The following RBPJ variants were observed in gnomAD, a reference collection of about 807,000 sequenced individuals.
RBPJ encodes recombination signal binding protein for immunoglobulin kappa J region.
RBPJ carries 9 observed loss-of-function variants against 67.8 expected under a neutral mutation model. That is an observed-to-expected ratio of 0.13 (90% confidence interval 0.08 to 0.23). The LOEUF (loss-of-function observed/expected upper bound fraction) is 0.23, where lower values mean the gene tolerates loss of function less well. Ranked by LOEUF, RBPJ falls within the 10% of genes least tolerant of loss-of-function variation. The pLI is 1.00. For missense variants in RBPJ, 305 were observed against 595.6 expected (o/e 0.51, Z 5.08); for synonymous variants, 198 against 203.3 (o/e 0.97, Z 0.22).
At chr4:26,423,824 A>G (rs367779194) in intron 5 of RBPJ, among the ~76,000 whole-genome samples, 2 of 152,330 alleles carry the variant, frequency 1.3e-5, no homozygotes, top group East Asian at 1.9e-4. Flanking sequence ...TTTACCATCA[A>G]CTCTGACAAA....
intron 1 of RBPJ, among the ~76,000 whole-genome samples, chr4:26,329,666 G>A (rs1007894547): frequency 3.9e-5 from 6 of 152,034 alleles, no homozygotes; most frequent in African/African-American, 1.2e-4. Flanking sequence ...AGGCCGAGGC[G>A]GGCGGATCAC....
intron 1 of RBPJ, among the ~76,000 whole-genome samples, chr4:26,238,458 A>G (rs970494161): frequency 3.9e-5 from 6 of 152,364 alleles, no homozygotes; most frequent in Admixed American, 1.3e-4. Context: ...ATGCAGGGAT[A>G]AAATAGAAGG....
At chr4:26,364,156 G>A (rs1728361444) in intron 1 of RBPJ, among the ~76,000 whole-genome samples, 1 of 152,132 alleles carries the variant, frequency 6.6e-6, no homozygotes, top group Admixed American at 6.5e-5. Flanking sequence ...AAATACACTG[G>A]TATAGTCCAT....
intron 1 of RBPJ, among the ~76,000 whole-genome samples, chr4:26,291,699 C>T (rs1366497266): frequency 6.7e-6 from 1 of 150,096 alleles, no homozygotes; most frequent in Non-Finnish European, 1.5e-5. Context: ...GCCTCAGCCT[C>T]CTGAGTAACT....
intron 1 of RBPJ, among the ~76,000 whole-genome samples, chr4:26,310,897 T>C (rs1032636559): frequency 1.3e-5 from 2 of 152,116 alleles, no homozygotes; most frequent in Non-Finnish European, 2.9e-5. Context: ...CTTGAACTCC[T>C]GACCTCACGT....
At chr4:26,277,864 C>T (rs1049619553) in intron 1 of RBPJ, among the ~76,000 whole-genome samples, 1 of 152,186 alleles carries the variant, frequency 6.6e-6, no homozygotes, top group African/African-American at 2.4e-5. Flanking sequence ...AGGTTTCTAT[C>T]GGGCTTTAAA....
chr4:26,175,141 G>A (rs889164998), intron 1 of RBPJ, among the ~76,000 whole-genome samples: 1 of 152,194 alleles, frequency 6.6e-6, no homozygotes, highest in African/African-American at 2.4e-5. Flanking sequence ...CATCTGAATA[G>A]CAGAAGAGAA....
chr4:26,267,823 G>A (rs914255038), intron 1 of RBPJ, among the ~76,000 whole-genome samples: 19 of 151,990 alleles, frequency 1.3e-4, no homozygotes, highest in African/African-American at 4.3e-4. Context: ...AGCCAGGCTA[G>A]TCTTGAACTC....
chr4:26,315,940 T>G (rs922252080), upstream of RBPJ, among the ~76,000 whole-genome samples: 5 of 152,090 alleles, frequency 3.3e-5, no homozygotes, highest in African/African-American at 1.2e-4. Context: ...CCGCAGGCAG[T>G]CAGACCTTAT....
chr4:26,113,761 GA>G, the RBPJ span: 2 of 260,048 alleles, frequency 7.7e-6, no homozygotes, highest in Non-Finnish European at 8.4e-6. Flanking sequence ...GTGAATGTGG[GA>G]AAACCTTCTG....
chr4:26,347,488 T>C (rs550846502), intron 1 of RBPJ, among the ~76,000 whole-genome samples: 1 of 152,312 alleles, frequency 6.6e-6, no homozygotes, highest in East Asian at 1.9e-4. Context: ...GGAGGTACAC[T>C]GGTCAGTGGT....
At chr4:26,203,683 C>G (rs986637051) in intron 1 of RBPJ, among the ~76,000 whole-genome samples, 1 of 152,182 alleles carries the variant, frequency 6.6e-6, no homozygotes, top group Non-Finnish European at 1.5e-5. Flanking sequence ...CACATAAAGG[C>G]ATTAGCTGCC....
chr4:26,337,608 A>T (rs1207748474), intron 1 of RBPJ, among the ~76,000 whole-genome samples: 1 of 151,494 alleles, frequency 6.6e-6, no homozygotes, highest in Non-Finnish European at 1.5e-5. Context: ...CTTTAAGTGG[A>T]ATCACTGTTT....
the RBPJ span, among the ~76,000 whole-genome samples, chr4:26,142,797 A>G: frequency 5.8e-4 from 88 of 152,144 alleles, no homozygotes; most frequent in African/African-American, 1.9e-3. Context: ...TGAGAGAGAG[A>G]GAGAGACAGA....
At chr4:26,120,461 C>T in the RBPJ span, among the ~76,000 whole-genome samples, 1 of 152,118 alleles carries the variant, frequency 6.6e-6, no homozygotes. Context: ...CTATTTTTTT[C>T]TTGAGAGACA....
At chr4:26,125,444 G>C in the RBPJ span, among the ~76,000 whole-genome samples, 1 of 152,170 alleles carries the variant, frequency 6.6e-6, no homozygotes, top group Non-Finnish European at 1.5e-5. Flanking sequence ...TTGGAAGGCA[G>C]GTTTCACATG....
intron 1 of RBPJ, among the ~76,000 whole-genome samples, chr4:26,239,737 AGGG>A (rs1201717360): frequency 7.4e-6 from 1 of 134,592 alleles, no homozygotes; most frequent in Non-Finnish European, 1.6e-5. Flanking sequence ...AGGGGAGGGG[AGGG>A]GAGGGGAGAG....
At chr4:26,349,424 T>C (rs1329719449) in intron 1 of RBPJ, among the ~76,000 whole-genome samples, 1 of 152,190 alleles carries the variant, frequency 6.6e-6, no homozygotes, top group African/African-American at 2.4e-5. Context: ...ATCACTTCTT[T>C]TTATCTTTTT....
At chr4:26,344,636 C>T (rs1725945095) in intron 1 of RBPJ, among the ~76,000 whole-genome samples, 1 of 152,012 alleles carries the variant, frequency 6.6e-6, no homozygotes. Flanking sequence ...TCAAAATATA[C>T]CTAGAAGATA....
Sources: allele counts gnomAD v4.1 joint callset (sites outside exome capture counted in the v4.1 genomes callset), GRCh38; gene constraint gnomAD v4.1.1; transcripts MANE v1.5; gene names NCBI Gene and HGNC (gene_info 2026-07-23, HGNC 2026-07-21).